The following PCNX2 variants were observed in gnomAD, a reference collection of about 807,000 sequenced individuals.
The protein encoded by PCNX2 is pecanex 2.
PCNX2 carries 168 observed loss-of-function variants against 223.8 expected under a neutral mutation model. That is an observed-to-expected ratio of 0.75 (90% CI 0.66 to 0.85). PCNX2 has a LOEUF of 0.85. Ranked by LOEUF, PCNX2 falls within the 40% of genes least tolerant of loss-of-function variation. The probability of loss-of-function intolerance (pLI) is 0.00; values close to 1 mark genes in which losing one functional copy is unlikely to be tolerated. For synonymous variants in PCNX2, 1,006 were observed against 1,052.6 expected, an observed-to-expected ratio of 0.96 and a Z score of 0.86; for missense variants, 2,507 against 2,675.5, an observed-to-expected ratio of 0.94 and a Z score of 1.39.
intron 31 of PCNX2, 109 bp downstream of exon 31, chr1:232,998,996 T>C: frequency 1.6e-6 from 2 of 1,281,820 alleles, no homozygotes; most frequent in Non-Finnish European, 2.1e-6. Flanking sequence ...TTTAATCATA[T>C]GAGAAAATGG....
the PCNX2 span, among the ~76,000 whole-genome samples, chr1:233,317,714 C>T: frequency 6.6e-6 from 1 of 152,114 alleles, no homozygotes; most frequent in Non-Finnish European, 1.5e-5. Context: ...TTTTCTGTTT[C>T]AATAAGTCCT....
chr1:232,984,388 G>T lies in PCNX2; in HGVS notation c.6330C>A (p.Leu2110=). The T allele has an allele frequency of 6.2e-7, 1 of 1,613,636 alleles. No homozygotes were observed. The change falls in exon 34 of 34, where the codon CTC becomes CTA. Residue 2110 remains leucine, a synonymous_variant. Coordinates refer to ENST00000258229, the MANE Select transcript of PCNX2 (RefSeq NM_014801.4). ...RCLAEAVADT[L]GVVCRRASQE... Reference sequence around the variant, plus strand: ...GGCTTGCTCTCCTGCAGACAACCCCGAGAGTGTCCGCCACAGCCTCAGCCA... The same window carrying T: ...GGCTTGCTCTCCTGCAGACAACCCCTAGAGTGTCCGCCACAGCCTCAGCCA...
At chr1:233,021,040 A>G (rs1670871581) in intron 26 of PCNX2, among the ~76,000 whole-genome samples, 1 of 148,904 alleles carries the variant, frequency 6.7e-6, no homozygotes, top group Admixed American at 6.7e-5. Flanking sequence ...GAAGAAAATC[A>G]TCTTTTTTTT....
At chr1:233,020,797 C>T (rs567964500) in intron 26 of PCNX2, among the ~76,000 whole-genome samples, 6 of 152,216 alleles carry the variant, frequency 3.9e-5, no homozygotes, top group African/African-American at 9.6e-5. Context: ...AACCTCAAGT[C>T]GCCAGGAAGG....
At chr1:233,160,169 CA>C in intron 19 of PCNX2, 113 bp downstream of exon 19, 1 of 1,173,528 alleles carries the variant, frequency 8.5e-7, no homozygotes, top group Non-Finnish European at 1.2e-6. Flanking sequence ...CTGCCATTTT[CA>C]AGTGTACAGT....
intron 17 of PCNX2, among the ~76,000 whole-genome samples, chr1:233,169,569 C>T (rs1004470119): frequency 2.1e-4 from 31 of 147,270 alleles, no homozygotes; most frequent in Non-Finnish European, 3.1e-4. Flanking sequence ...GGCGTGAACC[C>T]GGGAGGCGGA....
chr1:233,100,910 T>G (rs1028363007), intron 21 of PCNX2, among the ~76,000 whole-genome samples: 1 of 152,252 alleles, frequency 6.6e-6, no homozygotes, highest in Non-Finnish European at 1.5e-5. Context: ...AGTTAGTTCT[T>G]TCTCAGCTTC....
chr1:233,205,042 T>A (rs1681361693), intron 13 of PCNX2, among the ~76,000 whole-genome samples: 1 of 152,252 alleles, frequency 6.6e-6, no homozygotes, highest in Admixed American at 6.5e-5. Flanking sequence ...ATTTAAGACA[T>A]TAAGGTCTTA....
intron 9 of PCNX2, among the ~76,000 whole-genome samples, chr1:233,229,311 T>C (rs952921212): frequency 2.6e-5 from 4 of 152,092 alleles, no homozygotes; most frequent in African/African-American, 9.7e-5. Context: ...ACAGGATGAG[T>C]TGGACTGAAT....
chr1:233,258,011 A>G lies in PCNX2; in HGVS notation c.1834+17T>C. On this transcript the variant is annotated intron_variant, in intron 5 of 33. Transcript: ENST00000258229. ...CTTCTATGTCATCATCAGAACGGAA[A>G]TGACATGGAATCGCACCTCGGAGAA... is the stretch of plus-strand genomic sequence containing the variant. The G allele has an allele frequency of 6.2e-7, 1 of 1,604,364 alleles. No individual in the cohort carries two copies. Among genetic ancestry groups the G allele is most frequent in the Non-Finnish European group, 8.5e-7 (1 of 1,173,112 alleles).
chr1:233,010,977 T>A (rs1195623791), intron 28 of PCNX2, among the ~76,000 whole-genome samples: 4 of 152,100 alleles, frequency 2.6e-5, no homozygotes, highest in African/African-American at 9.7e-5. Flanking sequence ...GCCTGGAGAG[T>A]CAGTGTTCAC....
intron 1 of PCNX2, among the ~76,000 whole-genome samples, chr1:233,286,879 T>C (rs140840418): frequency 6.6e-6 from 1 of 152,188 alleles, no homozygotes; most frequent in African/African-American, 2.4e-5. Context: ...GACTGTGCCA[T>C]CCTCATGTCC....
intron 17 of PCNX2, among the ~76,000 whole-genome samples, chr1:233,169,540 G>C (rs926302153): frequency 1.3e-5 from 2 of 150,976 alleles, no homozygotes; most frequent in African/African-American, 4.9e-5. Flanking sequence ...AGCTACACGG[G>C]AGGCTGAGGC....
chr1:233,303,654 T>TTA, the PCNX2 span, among the ~76,000 whole-genome samples: 1 of 152,112 alleles, frequency 6.6e-6, no homozygotes, highest in South Asian at 2.1e-4. Context: ...AATTTTTTTT[T>TTA]ATTATACTTT....
chr1:233,296,002 C>CTTTT (rs61285792), upstream of PCNX2, among the ~76,000 whole-genome samples: 10 of 134,526 alleles, frequency 7.4e-5, no homozygotes, highest in African/African-American at 1.9e-4. Context: ...TTCTTTCTTT[C>CTTTT]TTTTTTTTTT....
chr1:233,111,961 C>A (rs933121711), intron 21 of PCNX2, among the ~76,000 whole-genome samples: 1 of 152,194 alleles, frequency 6.6e-6, no homozygotes, highest in Non-Finnish European at 1.5e-5. Flanking sequence ...TCATGATTCT[C>A]ATTTACATGT....
chr1:233,295,532 C>G lies in PCNX2; in HGVS notation c.-54G>C. 6.8e-7 allele frequency: 1 copy of G among 1,463,004 alleles called. No homozygotes were observed. Among genetic ancestry groups the G allele is most frequent in the Non-Finnish European group, 9.0e-7 (1 of 1,107,218 alleles). The allele number at this position is 1,463,004 out of a possible 1,614,324, so 90.6% of individuals were successfully genotyped here. A position where few individuals can be genotyped will look rare whatever the true frequency, so the allele number is the denominator to read the frequency against. ...CCCCGCTGCACCCTGCGCGCCCCGG[C>G]CGGATCTCCAGGCTCCCTCAGGTCT... On this transcript the variant is annotated 5_prime_UTR_variant, in exon 1 of 34. Transcript: ENST00000258229. The surrounding 1 kb of genome is among the most constrained non-coding windows in gnomAD (Gnocchi z 4.1).
At chr1:233,059,988 C>A (rs1199809437) in intron 23 of PCNX2, among the ~76,000 whole-genome samples, 1 of 152,124 alleles carries the variant, frequency 6.6e-6, no homozygotes, top group Non-Finnish European at 1.5e-5. Flanking sequence ...AAAAAGTATT[C>A]TTTCTTTTCA....
chr1:233,285,334 A>C (rs917598231), intron 1 of PCNX2, among the ~76,000 whole-genome samples: 26 of 152,062 alleles, frequency 1.7e-4, no homozygotes, highest in African/African-American at 6.0e-4. Flanking sequence ...CCTGAGTGAC[A>C]ATGAACCCTA....
Sources: allele counts gnomAD v4.1 joint callset (sites outside exome capture counted in the v4.1 genomes callset), GRCh38; gene constraint gnomAD v4.1.1; non-coding constraint Gnocchi (gnomAD v3.1); transcripts MANE v1.5; gene names NCBI Gene and HGNC (gene_info 2026-07-23, HGNC 2026-07-21).